Variants in SLC35B4 observed in about 807,000 individuals in gnomAD.
SLC35B4 encodes the protein nucleotide sugar transporter SLC35B4.
In SLC35B4, 28 loss-of-function variants were observed where a neutral mutation model predicts 39.5. That is an observed-to-expected ratio of 0.71 (90% confidence interval 0.53 to 0.97). SLC35B4 has a LOEUF of 0.97. Among genes scored for constraint, SLC35B4 ranks in the 50% least tolerant of loss-of-function variants. The pLI, the probability that SLC35B4 is intolerant of heterozygous loss-of-function variation, is 0.00. For missense variants in SLC35B4, 334 were observed against 414.3 expected (o/e 0.81, Z 1.68); for synonymous variants, 145 against 150.4 (o/e 0.96, Z 0.26).
In SLC35B4 at chr7:134,292,304, A is replaced by G. The variant is rs1370237217; in HGVS notation, c.*2529T>C. The G allele has an allele frequency of 2.6e-5, 4 of 152,718 alleles. No individual in the cohort carries two copies. Among genetic ancestry groups the G allele is most frequent in the Non-Finnish European group, 5.9e-5 (4 of 68,210 alleles). The allele number at this position is 152,718 out of a possible 1,614,324, so 9.5% of individuals were successfully genotyped here. A position where few individuals can be genotyped will look rare whatever the true frequency, so the allele number is the denominator to read the frequency against. ...TAAAAAGTATTAACTGGTGTCCATT[A>G]GACATATTTCCTTATATTCAGCTAC... is the stretch of plus-strand genomic sequence containing the variant. On this transcript the variant is annotated 3_prime_UTR_variant, in exon 10 of 10. Transcript: ENST00000378509.
chr7:134,294,947 C>T lies in SLC35B4; in HGVS notation c.882G>A (p.Leu294=). Residue 294 remains leucine (L), a synonymous_variant, in exon 10 of 10, where the codon CTG becomes CTA. Transcript: ENST00000378509. ...SILYFQNPFT[L]WHWLGTLFVF... is the part of the protein sequence containing the mutation. ...CAAACAAGGTGCCCAGCCAGTGCCA[C>T]AGGGTGAAGGGGTTCTGGAAGTACA... 6.2e-7 allele frequency: 1 copy of T among 1,614,180 alleles called. No individual in the cohort carries two copies. The highest frequency in any genetic ancestry group is 1.1e-5 in the South Asian group (1 of 91,080).
chr7:134,299,671 ATT>A, intron 7 of SLC35B4, 73 bp from the exon 8 acceptor site: 1 of 1,336,598 alleles, frequency 7.5e-7, no homozygotes, highest in African/African-American at 1.5e-5. Context: ...CTTTACAATG[ATT>A]AAAAGTCGTA....
chr7:134,319,225 A>G (rs540168829), upstream of SLC35B4, among the ~76,000 whole-genome samples: 14 of 152,300 alleles, frequency 9.2e-5, no homozygotes, highest in Middle Eastern at 3.4e-3. Context: ...TTAAATCTCC[A>G]ATCAGCTTCT....
At chr7:134,305,044 G>C (rs1487241321) in intron 3 of SLC35B4, among the ~76,000 whole-genome samples, 190 bp from the exon 4 acceptor site, 1 of 152,168 alleles carries the variant, frequency 6.6e-6, no homozygotes, top group Non-Finnish European at 1.5e-5. Context: ...TATGATGGCC[G>C]GGCGCGGTGG....
chr7:134,297,914 T>C (rs947562536), intron 8 of SLC35B4, among the ~76,000 whole-genome samples: 7 of 152,154 alleles, frequency 4.6e-5, no homozygotes, highest in African/African-American at 1.7e-4. Flanking sequence ...CTCACTCTTA[T>C]GTTAGCTTTA....
Position 134,316,839 on chromosome 7 carries a change from T to C in SLC35B4, c.-88A>G. 1.5e-6 allele frequency: 2 copies of C among 1,332,372 alleles called. No individual in the cohort carries two copies. Among genetic ancestry groups the C allele is most frequent in the Non-Finnish European group, 1.0e-6 (1 of 961,968 alleles). The allele number at this position is 1,332,372 out of a possible 1,614,324, so 82.5% of individuals were successfully genotyped here. ...GGAAGCCGGCCTCCTGCCTCTTCGC[T>C]GCGCAGCACATCGCACCGTCCTGGA... is the stretch of plus-strand genomic sequence containing the variant. On this transcript the variant is annotated 5_prime_UTR_variant, in exon 1 of 10. Coordinates refer to ENST00000378509, the MANE Select transcript of SLC35B4 (RefSeq NM_032826.5).
At chr7:134,304,730 A>G in intron 4 of SLC35B4, 75 bp downstream of exon 4, 2 of 1,178,202 alleles carry the variant, frequency 1.7e-6, no homozygotes, top group South Asian at 1.3e-5. Flanking sequence ...GGGACAAGGA[A>G]TCCAGGTGAC....
At chr7:134,304,514 CCT>C (rs1174207819) in intron 4 of SLC35B4, among the ~76,000 whole-genome samples, 1 of 152,228 alleles carries the variant, frequency 6.6e-6, no homozygotes, top group East Asian at 1.9e-4. Context: ...GCACAGTGAA[CCT>C]CTCTATCATC....
rs913913781 is a variant in SLC35B4, at chr7:134,291,786, A to T, written c.*3047T>A. 1.3e-5 allele frequency: 2 copies of T among 152,274 alleles called. No homozygotes were observed. Among genetic ancestry groups the T allele is most frequent in the Admixed American group, 6.5e-5 (1 of 15,290 alleles). 9.4% of individuals were successfully genotyped at this position (152,274 alleles called of 1,614,324 possible). A position where few individuals can be genotyped will look rare whatever the true frequency, so the allele number is the denominator to read the frequency against. On this transcript the variant is annotated 3_prime_UTR_variant, in exon 10 of 10. Coordinates refer to ENST00000378509, the MANE Select transcript of SLC35B4 (RefSeq NM_032826.5). ...CAGTTGTTTTAGTTGGACGAAAAAG[A>T]AAACAAAGAATCAAAAATAAATTAC...
chr7:134,296,608 T>C (rs1803471548), intron 8 of SLC35B4, 142 bp from the exon 9 acceptor site: 1 of 606,394 alleles, frequency 1.6e-6, no homozygotes, highest in East Asian at 2.9e-5. Context: ...ACGCATCACT[T>C]TACTTGCCTT....
At chr7:134,307,363 C>G (rs759720714) in intron 2 of SLC35B4, among the ~76,000 whole-genome samples, 148 of 151,332 alleles carry the variant, frequency 9.8e-4, no homozygotes, top group Admixed American at 1.9e-3. Flanking sequence ...ATCCAGTAAC[C>G]CTAATAACTT....
intron 4 of SLC35B4, 67 bp downstream of exon 4, chr7:134,304,738 G>T: frequency 8.0e-7 from 1 of 1,255,212 alleles, no homozygotes; most frequent in South Asian, 1.3e-5. Flanking sequence ...GAATCCAGGT[G>T]ACTAGCTTAT....
Position 134,316,874 on chromosome 7 carries a change from T to A in SLC35B4, c.-123A>T. 1.1e-6 allele frequency: 1 copy of A among 938,778 alleles called. No homozygotes were observed. Among genetic ancestry groups the A allele is most frequent in the Non-Finnish European group, 1.6e-6 (1 of 628,984 alleles). The allele number at this position is 938,778 out of a possible 1,614,324, so 58.2% of individuals were successfully genotyped here. Reference sequence around the variant, plus strand: ...ATCGCACCGTCCTGGAAAGCCGCTCTCACTGGGGGCCGCCGCGGTCTCCCC... The same window carrying A: ...ATCGCACCGTCCTGGAAAGCCGCTCACACTGGGGGCCGCCGCGGTCTCCCC... On this transcript the variant is annotated 5_prime_UTR_variant, in exon 1 of 10. Coordinates refer to ENST00000378509, the MANE Select transcript of SLC35B4 (RefSeq NM_032826.5).
intron 1 of SLC35B4, among the ~76,000 whole-genome samples, chr7:134,309,876 TG>T (rs1409005449): frequency 6.6e-6 from 1 of 152,202 alleles, no homozygotes; most frequent in Non-Finnish European, 1.5e-5. Flanking sequence ...GACAGAAATA[TG>T]CTCAGGTCTC....
chr7:134,310,780 C>A (rs1196268116), intron 1 of SLC35B4, among the ~76,000 whole-genome samples: 1 of 152,096 alleles, frequency 6.6e-6, no homozygotes, highest in African/African-American at 2.4e-5. Context: ...ACCTCCTGAC[C>A]TTGCGATCCA....
At chr7:134,310,514 T>C (rs1048879170) in intron 1 of SLC35B4, among the ~76,000 whole-genome samples, 14 of 152,082 alleles carry the variant, frequency 9.2e-5, no homozygotes, top group African/African-American at 3.4e-4. Context: ...ATAATACCAA[T>C]ATTCACCTGC....
intron 3 of SLC35B4, among the ~76,000 whole-genome samples, chr7:134,305,256 G>A (rs1182300246): frequency 6.6e-6 from 1 of 152,002 alleles, no homozygotes; most frequent in African/African-American, 2.4e-5. Context: ...CCGGGAAGTG[G>A]AGGTTGCAGT....
In SLC35B4 at chr7:134,292,014, G is replaced by C. The variant is rs1803341638; in HGVS notation, c.*2819C>G. On this transcript the variant is annotated 3_prime_UTR_variant, in exon 10 of 10. Coordinates refer to ENST00000378509, the MANE Select transcript of SLC35B4 (RefSeq NM_032826.5). ...TAGTGTCCTTTGCTATTTGATTTTT[G>C]CTCTAGCATAGAGTTTTGGATGTCT... is the stretch of plus-strand genomic sequence containing the variant. 1 of 153,072 alleles carries C rather than the reference G, an allele frequency of 6.5e-6. No individual in the cohort carries two copies. The highest frequency in any genetic ancestry group is 2.4e-5 in the African/African-American group (1 of 41,474). The allele number at this position is 153,072 out of a possible 1,614,324, so 9.5% of individuals were successfully genotyped here.
intron 4 of SLC35B4, among the ~76,000 whole-genome samples, chr7:134,303,008 C>A (rs1803622838): frequency 6.6e-6 from 1 of 152,018 alleles, no homozygotes; most frequent in South Asian, 2.1e-4. Context: ...AAGAGGTTTA[C>A]AACTGAGGCC....
Sources: allele counts gnomAD v4.1 joint callset (sites outside exome capture counted in the v4.1 genomes callset), GRCh38; gene constraint gnomAD v4.1.1; transcripts MANE v1.5; gene names NCBI Gene and HGNC (gene_info 2026-07-23, HGNC 2026-07-21).